SULF1: variants seen among roughly 807,000 people sequenced by gnomAD.
The protein encoded by SULF1 is extracellular sulfatase Sulf-1.
A neutral mutation model predicts 110.5 loss-of-function variants in SULF1; 46 were observed. That is an observed-to-expected ratio of 0.42 (90% CI 0.33 to 0.53). The LOEUF (loss-of-function observed/expected upper bound fraction) is 0.53, where lower values mean the gene tolerates loss of function less well. Among genes scored for constraint, SULF1 ranks in the 20% least tolerant of loss-of-function variants. The probability of loss-of-function intolerance (pLI) is 0.12; values close to 1 mark genes in which losing one functional copy is unlikely to be tolerated. For synonymous variants in SULF1, 371 were observed against 387.1 expected, an observed-to-expected ratio of 0.96 and a Z score of 0.49; for missense variants, 941 against 1,094.2, an observed-to-expected ratio of 0.86 and a Z score of 1.98.
rs1232491033 is a variant in SULF1 at position 69,621,082 on chromosome 8, G to A, written c.1425G>A (p.Lys475=). Residue 475 remains lysine, a synonymous_variant, in exon 14 of 23, where the codon AAG becomes AAA. Transcript: ENST00000402687. ...EDTSGKLRIH[K]CKGPSDLLTV... is the part of the protein sequence containing the mutation. Reference sequence around the variant, plus strand: ...CATCTGGCAAGCTTCGAATTCACAAGTGTAAAGGACCCAGTGACCTGCTCA... The same window carrying A: ...CATCTGGCAAGCTTCGAATTCACAAATGTAAAGGACCCAGTGACCTGCTCA... 6.2e-7 allele frequency: 1 copy of A among 1,613,570 alleles called. No homozygotes were observed. The highest frequency in any genetic ancestry group is 8.5e-7 in the Non-Finnish European group (1 of 1,179,612).
At chr8:69,560,077 A>G (rs1302540389) in intron 3 of SULF1, among the ~76,000 whole-genome samples, 5 of 152,148 alleles carry the variant, frequency 3.3e-5, no homozygotes, top group South Asian at 2.1e-4. Flanking sequence ...GAACCTCTCA[A>G]AAGGGTCACA....
At chr8:69,606,028 C>A (rs749038015) in intron 13 of SULF1, among the ~76,000 whole-genome samples, 1 of 152,204 alleles carries the variant, frequency 6.6e-6, no homozygotes, top group African/African-American at 2.4e-5. Context: ...GATATCCACA[C>A]AATTCACCAA....
Position 69,604,918 on chromosome 8 carries a change from G to A in SULF1, c.1363G>A (p.Glu455Lys). The A allele has an allele frequency of 4.3e-6, 7 of 1,614,168 alleles. No homozygotes were observed. The highest frequency in any genetic ancestry group is 5.9e-6 in the Non-Finnish European group (7 of 1,180,036). Residue 455 changes from glutamate to lysine, a missense_variant, in exon 13 of 23, where the codon GAA (glutamate) becomes AAA (lysine). This residue lies in a region of SULF1 where 822 missense variants were observed against 934.3 expected (regional missense o/e 0.88). Transcript: ENST00000402687. ...GCAGGCCAGGTACCAGACAGCCTGT[G>A]AACAACCGGGGCAGGTGAGTGACGC... is the stretch of plus-strand genomic sequence containing the variant. Reference protein sequence around the residue: ...CQQARYQTACEQPGQKWQCIE... With the variant: ...CQQARYQTACKQPGQKWQCIE...
intron 1 of SULF1, among the ~76,000 whole-genome samples, chr8:69,476,239 T>G (rs1809293665): frequency 6.6e-6 from 1 of 152,200 alleles, no homozygotes; most frequent in Admixed American, 6.5e-5. Flanking sequence ...CAAATCATCC[T>G]TAATTTTATG....
intron 3 of SULF1, among the ~76,000 whole-genome samples, chr8:69,528,909 G>A (rs1007964880): frequency 4.6e-5 from 7 of 152,072 alleles, no homozygotes; most frequent in East Asian, 1.9e-4. Flanking sequence ...ATGAATTCAC[G>A]GATCATAGAA....
chr8:69,561,816 G>A lies in SULF1; in HGVS notation c.-133-1723G>A, dbSNP rs1162856348. ...ATTTAGCCTGACCCATGCTTTGTGA[G>A]AACAAGCCATTGTTTATCATTTTAT... On this transcript the variant is annotated intron_variant, in intron 3 of 22. Transcript: ENST00000402687. Among the ~76,000 whole-genome samples the A allele has an allele frequency of 2.6e-5, 4 of 152,300 alleles. No homozygotes were observed. In the South Asian group the frequency reaches 6.2e-4, roughly 24 times the overall value.
Position 69,603,531 on chromosome 8 carries a change from G to A in SULF1, c.1191-69G>A, listed in dbSNP as rs375197041. On this transcript the variant is annotated intron_variant, in intron 11 of 22. Transcript: ENST00000402687. ...AAGTGAGAGGTGTTTCTTTAAATAAGCTGTTAGCACAGATCCATTTGGAAA... is the reference window on the plus strand; with the variant it reads ...AAGTGAGAGGTGTTTCTTTAAATAAACTGTTAGCACAGATCCATTTGGAAA... 27 of 1,360,890 alleles carry A rather than the reference G, an allele frequency of 2.0e-5. No individual in the cohort carries two copies. In the African/African-American group the frequency reaches 3.6e-4, roughly 18 times the overall value. 84.3% of individuals were successfully genotyped at this position (1,360,890 alleles called of 1,614,324 possible). A position where few individuals can be genotyped will look rare whatever the true frequency, so the allele number is the denominator to read the frequency against.
rs1265700816 is a variant in SULF1, at chr8:69,621,271, C to A, written c.1594+20C>A. 1 of 1,593,028 alleles carries A rather than the reference C, an allele frequency of 6.3e-7. No homozygotes were observed. Among genetic ancestry groups the A allele is most frequent in the Non-Finnish European group, 8.6e-7 (1 of 1,164,856 alleles). On this transcript the variant is annotated intron_variant, in intron 14 of 22. Transcript: ENST00000402687. ...CTCCAAGTAAGCCACGCTTTTGTGA[C>A]CATCTCAATGGTGGCCTAGGCCTGT...
Position 69,640,947 on chromosome 8 carries a change from T to TG in SULF1, c.2585+111dup, listed in dbSNP as rs2130686382. ...CTTACCGTGTTGCACAGAGCAAAGC[T>TG]GGGGGTGCATGCTTGTTCTAACAGC... On this transcript the variant is annotated intron_variant, in intron 22 of 22. Transcript: ENST00000402687. The TG allele has an allele frequency of 3.1e-6, 3 of 971,146 alleles. No homozygotes were observed. In the East Asian group the frequency reaches 7.9e-5, roughly 26 times the overall value. 60.2% of individuals were successfully genotyped at this position (971,146 alleles called of 1,614,324 possible).
At chr8:69,547,457 A>G (rs1373500286) in intron 3 of SULF1, among the ~76,000 whole-genome samples, 1 of 152,206 alleles carries the variant, frequency 6.6e-6, no homozygotes, top group Non-Finnish European at 1.5e-5. Flanking sequence ...TATGTGTTAG[A>G]GGAAAATGCT....
intron 8 of SULF1, among the ~76,000 whole-genome samples, chr8:69,596,284 G>C (rs1807322491): frequency 6.6e-6 from 1 of 152,140 alleles, no homozygotes; most frequent in South Asian, 2.1e-4. Context: ...GTCTTCCCAG[G>C]TTAGGCACAC....
At chr8:69,574,167 C>T (rs764424842) in intron 5 of SULF1, among the ~76,000 whole-genome samples, 5 of 152,206 alleles carry the variant, frequency 3.3e-5, no homozygotes, top group Non-Finnish European at 7.3e-5. Context: ...ACATGCCGTT[C>T]GTGTCTTTGA....
chr8:69,533,833 G>C (rs1435886541), intron 3 of SULF1, among the ~76,000 whole-genome samples: 1 of 152,044 alleles, frequency 6.6e-6, no homozygotes, highest in African/African-American at 2.4e-5. Flanking sequence ...ATCAAAATGT[G>C]GTTACTTTTT....
chr8:69,498,402 C>T (rs934102033), intron 2 of SULF1, among the ~76,000 whole-genome samples: 2 of 152,126 alleles, frequency 1.3e-5, no homozygotes, highest in African/African-American at 2.4e-5. Flanking sequence ...AAGGATCCAT[C>T]GGTGACTCAG....
intron 1 of SULF1, among the ~76,000 whole-genome samples, chr8:69,478,860 T>A (rs1309617606): frequency 6.6e-6 from 1 of 152,216 alleles, no homozygotes; most frequent in Non-Finnish European, 1.5e-5. Context: ...GTAGAGCCAG[T>A]ACATCCTAAA....
chr8:69,534,663 A>G (rs1249566674), intron 3 of SULF1, among the ~76,000 whole-genome samples: 2 of 152,164 alleles, frequency 1.3e-5, no homozygotes, highest in East Asian at 3.8e-4. Context: ...TTGACAAACG[A>G]CTTAATTATA....
intron 6 of SULF1, among the ~76,000 whole-genome samples, chr8:69,579,902 A>G (rs890603709): frequency 6.6e-6 from 1 of 152,224 alleles, no homozygotes; most frequent in Non-Finnish European, 1.5e-5. Context: ...TTTAGCTACA[A>G]ACCTAAGAAA....
chr8:69,651,942 G>A (rs1344538363), intron 22 of SULF1, among the ~76,000 whole-genome samples: 2 of 152,066 alleles, frequency 1.3e-5, no homozygotes, highest in Admixed American at 1.3e-4. Context: ...TCAGAAATTC[G>A]AAATGAATCT....
chr8:69,588,281 T>C (rs764165771), intron 7 of SULF1, among the ~76,000 whole-genome samples: 85 of 152,316 alleles, frequency 5.6e-4, no homozygotes, highest in South Asian at 1.7e-3. Context: ...AGCAGCTGTA[T>C]TGCTTTAGTT....
Sources: allele counts gnomAD v4.1 joint callset (sites outside exome capture counted in the v4.1 genomes callset), GRCh38; gene constraint gnomAD v4.1.1; regional missense constraint gnomAD v4.1.1; transcripts MANE v1.5; gene names NCBI Gene and HGNC (gene_info 2026-07-23, HGNC 2026-07-21).